Variants in NID1 observed in about 807,000 individuals in gnomAD.
NID1 encodes the protein nidogen 1.
Under a neutral mutation model 130.6 loss-of-function variants are expected in NID1, and 76 were observed. That is an observed-to-expected ratio of 0.58 (90% confidence interval 0.48 to 0.70). The LOEUF (loss-of-function observed/expected upper bound fraction) is 0.70, where lower values mean the gene tolerates loss of function less well. Among genes scored for constraint, NID1 ranks in the 30% least tolerant of loss-of-function variants. The pLI is 0.00. For synonymous variants in NID1, 665 were observed against 675.1 expected, an observed-to-expected ratio of 0.98 and a Z score of 0.23; for missense variants, 1,517 against 1,664.8, an observed-to-expected ratio of 0.91 and a Z score of 1.54.
chr1:235,977,762 G>C lies in NID1; in HGVS notation c.*105C>G. The C allele has an allele frequency of 5.9e-6, 8 of 1,351,250 alleles. No homozygotes were observed. Among genetic ancestry groups the C allele is most frequent in the African/African-American group, 1.4e-5 (1 of 69,372 alleles). The allele number at this position is 1,351,250 out of a possible 1,614,324, so 83.7% of individuals were successfully genotyped here. ...GGGGCTCAGGCTGGGCTGGGTCTGG[G>C]CCTAGTGGCCACTCAGCCAGAGGAC... is the stretch of plus-strand genomic sequence containing the variant. On this transcript the variant is annotated 3_prime_UTR_variant, in exon 20 of 20. Transcript: ENST00000264187.
At chr1:235,980,035 G>A (rs1657392655) in intron 17 of NID1, 90 bp from the exon 18 acceptor site, 1 of 1,411,234 alleles carries the variant, frequency 7.1e-7, no homozygotes, top group Non-Finnish European at 1.0e-6. Context: ...GCAAGAGTGG[G>A]AGAAATTAAG....
chr1:236,009,878 C>G (rs555875276), intron 12 of NID1, among the ~76,000 whole-genome samples: 1 of 152,298 alleles, frequency 6.6e-6, no homozygotes, highest in Admixed American at 6.5e-5. Flanking sequence ...CTTAAGGGAA[C>G]AAGATCCAAT....
At chr1:235,993,915 T>C in intron 12 of NID1, 43 bp from the exon 13 acceptor site, 2 of 1,569,880 alleles carry the variant, frequency 1.3e-6, no homozygotes, top group Non-Finnish European at 1.7e-6. Flanking sequence ...AGGTGCGTCA[T>C]CCGTCAGCGC....
chr1:236,042,211 G>A lies in NID1; in HGVS notation c.834C>T (p.Asp278=), dbSNP rs371831151. 5.0e-5 allele frequency: 80 copies of A among 1,612,900 alleles called. No individual in the cohort carries two copies. The South Asian group carries it at 7.7e-4, about 15-fold the overall frequency. The part of the protein sequence containing the change: ...PATTNGVVPA[D]VILGTEDGAE... ...CCCCATCTTCAGTTCCGAGGATCAC[G>A]TCTGCAGGCACCACGCCATTGGTGG... is the stretch of plus-strand genomic sequence containing the variant. Residue 278 remains aspartate, a synonymous_variant, in exon 4 of 20, where the codon GAC becomes GAT. Transcript: ENST00000264187.
intron 1 of NID1, among the ~76,000 whole-genome samples, chr1:236,059,752 A>G (rs1418990916): frequency 6.6e-6 from 1 of 152,230 alleles, no homozygotes; most frequent in African/African-American, 2.4e-5. Context: ...CTTGCACAAG[A>G]AAGAATTCAG....
Position 236,007,732 on chromosome 1 carries a change from C to T in NID1, c.2527+4189G>A, listed in dbSNP as rs560683842. Among the ~76,000 whole-genome samples the T allele has an allele frequency of 2.0e-5, 3 of 152,266 alleles. No homozygotes were observed. In the South Asian group the frequency reaches 6.2e-4, roughly 32 times the overall value. On this transcript the variant is annotated intron_variant, in intron 12 of 19. Coordinates refer to ENST00000264187, the MANE Select transcript of NID1 (RefSeq NM_002508.3). ...TCCTTCAGCAGGGATCCTTCTTTGC[C>T]ATCACAGAAGACCACAGCCCCGACT...
chr1:236,020,557 T>C (rs559733982), intron 9 of NID1, among the ~76,000 whole-genome samples: 1 of 152,340 alleles, frequency 6.6e-6, no homozygotes, highest in East Asian at 1.9e-4. Flanking sequence ...TCCAAATTAC[T>C]GTGGAGAGTC....
intron 12 of NID1, among the ~76,000 whole-genome samples, chr1:236,000,833 T>C (rs1442471953): frequency 6.6e-6 from 1 of 152,160 alleles, no homozygotes; most frequent in African/African-American, 2.4e-5. Context: ...ATATACTCAA[T>C]AGAGTGGAGA....
chr1:235,983,656 G>A (rs1483550181), intron 15 of NID1, among the ~76,000 whole-genome samples: 1 of 152,244 alleles, frequency 6.6e-6, no homozygotes, highest in Non-Finnish European at 1.5e-5. Flanking sequence ...CCTTGGTCCC[G>A]ATCTCAAACC....
At position 236,029,655 on chromosome 1, in the gene NID1, GC is replaced by G; in HGVS notation, c.1632del (p.His545ThrfsTer2). ...KQRFSGIDEH[G>X]HLTIDTELEG... is the part of the protein sequence containing the mutation. ...TCCAGCTCCGTGTCGATGGTCAGGTGCCCATGCTCATCGATGCCGCTGAACC... is the reference window on the plus strand; with the variant it reads ...TCCAGCTCCGTGTCGATGGTCAGGTGCCATGCTCATCGATGCCGCTGAACC... On this transcript the variant is annotated frameshift_variant, in exon 7 of 20. Coordinates refer to ENST00000264187, the MANE Select transcript of NID1 (RefSeq NM_002508.3). LOFTEE classifies it high-confidence loss of function. 1 of 1,613,770 alleles carries G rather than the reference GC, an allele frequency of 6.2e-7. No homozygotes were observed. Among genetic ancestry groups the G allele is most frequent in the Non-Finnish European group, 8.5e-7 (1 of 1,179,954 alleles).
chr1:236,053,884 G>A (rs1050221748), intron 1 of NID1, among the ~76,000 whole-genome samples: 4 of 152,210 alleles, frequency 2.6e-5, no homozygotes, highest in Non-Finnish European at 5.9e-5. Flanking sequence ...TCAGAGAACT[G>A]TGCATTACTG....
intron 5 of NID1, 148 bp downstream of exon 5, chr1:236,037,956 T>C: frequency 1.1e-6 from 1 of 903,144 alleles, no homozygotes. Context: ...CGAGAAAAAA[T>C]GAGGAAAGAG....
chr1:236,024,505 T>C (rs1658865945), intron 8 of NID1, among the ~76,000 whole-genome samples: 1 of 152,252 alleles, frequency 6.6e-6, no homozygotes, highest in South Asian at 2.1e-4. Context: ...ATAGAGACTG[T>C]ATAGCCAGCA....
chr1:236,009,336 C>T (rs746615364), intron 12 of NID1, among the ~76,000 whole-genome samples: 1 of 152,200 alleles, frequency 6.6e-6, no homozygotes, highest in Non-Finnish European at 1.5e-5. Context: ...CTTCTCAGCA[C>T]GTCGATCTCA....
At chr1:236,032,099 C>T (rs776833008) in intron 6 of NID1, among the ~76,000 whole-genome samples, 5 of 152,088 alleles carry the variant, frequency 3.3e-5, no homozygotes, top group Non-Finnish European at 7.4e-5. Flanking sequence ...TGAGGTTCTA[C>T]GAGCTGATAT....
intron 3 of NID1, among the ~76,000 whole-genome samples, chr1:236,043,730 A>G (rs889562826): frequency 4.6e-5 from 7 of 152,104 alleles, no homozygotes; most frequent in Middle Eastern, 3.2e-3. Flanking sequence ...CCCGGGAGGC[A>G]GAGCTTGCAG....
At chr1:235,991,957 T>C (rs1372020550) in intron 13 of NID1, among the ~76,000 whole-genome samples, 1 of 152,136 alleles carries the variant, frequency 6.6e-6, no homozygotes, top group African/African-American at 2.4e-5. Flanking sequence ...CAGGGGCTCC[T>C]TTTCCCTCAG....
intron 6 of NID1, among the ~76,000 whole-genome samples, chr1:236,031,595 G>A (rs1659104085): frequency 6.6e-6 from 1 of 152,212 alleles, no homozygotes; most frequent in South Asian, 2.1e-4. Flanking sequence ...GGCAGTGGGG[G>A]AGAAGGCAGG....
At chr1:236,037,423 C>T (rs980624996) in intron 5 of NID1, among the ~76,000 whole-genome samples, 4 of 152,070 alleles carry the variant, frequency 2.6e-5, no homozygotes, top group Admixed American at 2.0e-4. Context: ...TTCGGGAGGC[C>T]GAGGCAGGCA....
Sources: gnomAD v4.1 joint callset for allele counts (sites outside exome capture counted in the v4.1 genomes callset) on GRCh38, gnomAD v4.1.1 for gene constraint, MANE v1.5 for transcripts, NCBI Gene and HGNC (gene_info 2026-07-23, HGNC 2026-07-21) for gene names.